PRUNE2: variants seen among roughly 807,000 people sequenced by gnomAD.
The protein encoded by PRUNE2 is prune homolog 2 with BCH domain, also known as protein prune homolog 2.
A neutral mutation model predicts 252.0 loss-of-function variants in PRUNE2; 164 were observed. The observed-to-expected ratio is 0.65, with a 90% CI of 0.57 to 0.74. The LOEUF (loss-of-function observed/expected upper bound fraction) is 0.74. Ranked by LOEUF, PRUNE2 falls within the 30% of genes least tolerant of loss-of-function variation. PRUNE2 has a pLI of 0.00. For synonymous variants in PRUNE2, 1,292 were observed against 1,350.2 expected, an observed-to-expected ratio of 0.96 and a Z score of 0.94; for missense variants, 3,495 against 3,711.0, an observed-to-expected ratio of 0.94 and a Z score of 1.51.
intron 9 of PRUNE2, among the ~76,000 whole-genome samples, chr9:76,673,569 T>C (rs1482267908): frequency 1.4e-5 from 2 of 141,424 alleles, no homozygotes; most frequent in African/African-American, 5.3e-5. Context: ...CCAGCATCAT[T>C]CTGATACCAA....
chr9:76,895,150 T>C (rs1245246585), intron 1 of PRUNE2, among the ~76,000 whole-genome samples: 3 of 152,220 alleles, frequency 2.0e-5, no homozygotes, highest in African/African-American at 7.2e-5. Context: ...GTGGAAACTC[T>C]TCCATAAGAA....
At chr9:76,815,264 T>C (rs984018308) in intron 6 of PRUNE2, among the ~76,000 whole-genome samples, 1 of 152,256 alleles carries the variant, frequency 6.6e-6, no homozygotes, top group Admixed American at 6.5e-5. Context: ...AACTTCATGA[T>C]GGCTAAACCT....
At position 76,707,936 on chromosome 9, in the gene PRUNE2, A is replaced by C. The variant is rs2046426174; in HGVS notation, c.4338T>G (p.Thr1446=). 6.2e-7 allele frequency: 1 copy of C among 1,613,910 alleles called. No individual in the cohort carries two copies. ...SQRNSGETTE[T]SDGMNFTKYV... ...ATTTTGTGAAATTCATCCCATCTGA[A>C]GTCTCAGTAGTTTCACCTGAATTTC... Residue 1446 remains threonine, a synonymous_variant, in exon 8 of 19, where the codon ACT becomes ACG. Coordinates refer to ENST00000376718, the MANE Select transcript of PRUNE2 (RefSeq NM_015225.3).
chr9:76,636,352 A>C, intron 15 of PRUNE2, 119 bp downstream of exon 15: 3 of 655,390 alleles, frequency 4.6e-6, no homozygotes, highest in East Asian at 2.8e-5. Flanking sequence ...TAGGAAAGAC[A>C]GAGACAAATA....
intron 9 of PRUNE2, among the ~76,000 whole-genome samples, chr9:76,675,158 T>G (rs11145006): frequency 0.29 from 23,725 of 81,634 alleles, 4,745 homozygotes; most frequent in Non-Finnish European, 0.44. Context: ...TTTTCGCAAC[T>G]TACTCATCTG....
At chr9:76,656,593 C>T (rs11144996) in intron 9 of PRUNE2, among the ~76,000 whole-genome samples, 21,372 of 152,046 alleles carry the variant, frequency 0.14, 4,127 homozygotes, top group African/African-American at 0.44. Context: ...GCACCCTTAG[C>T]GATTACTGCA....
intron 6 of PRUNE2, among the ~76,000 whole-genome samples, chr9:76,741,392 C>T (rs974693575): frequency 2.0e-5 from 3 of 152,110 alleles, no homozygotes; most frequent in African/African-American, 7.2e-5. Context: ...ATACAGAGCC[C>T]AGAAAGCATA....
chr9:76,789,924 C>G (rs2055392447), intron 6 of PRUNE2, among the ~76,000 whole-genome samples: 1 of 152,012 alleles, frequency 6.6e-6, no homozygotes, highest in Non-Finnish European at 1.5e-5. Flanking sequence ...AAGAATGATG[C>G]AAGAAGATCC....
intron 6 of PRUNE2, chr9:76,784,715 C>T (rs1429191280): frequency 6.6e-6 from 1 of 152,194 alleles, no homozygotes; most frequent in Non-Finnish European, 1.5e-5. Context: ...TGTTCTGGCC[C>T]AGGGGATCTG....
In PRUNE2 at chr9:76,824,977, A is replaced by G. The variant is rs565048918; in HGVS notation, c.662-1251T>C. On this transcript the variant is annotated intron_variant, in intron 5 of 18. Coordinates refer to ENST00000376718, the MANE Select transcript of PRUNE2 (RefSeq NM_015225.3). ...CATACACACAAGGACATGCACATCT[A>G]TGCATAGGTAACAGAAGGTGCAATG... Among the ~76,000 whole-genome samples, 8 of 152,308 alleles carry G rather than the reference A, an allele frequency of 5.3e-5. No individual in the cohort carries two copies. The East Asian group carries it at 1.5e-3, about 29-fold the overall frequency.
chr9:76,703,880 T>G lies in PRUNE2; in HGVS notation c.7733A>C (p.Tyr2578Ser), dbSNP rs769316485. ...ERESIAELEL[Y>S]VGSKETGLQG... Reference sequence around the variant, plus strand: ...CAGCCCTGTTTCTTTGGAACCTACATACAATTCTAATTCAGCTATGCTTTC... The same window carrying G: ...CAGCCCTGTTTCTTTGGAACCTACAGACAATTCTAATTCAGCTATGCTTTC... The change falls in exon 9 of 19, where the codon TAT becomes TCT. Residue 2578 changes from tyrosine to serine, a missense_variant. Physicochemically the swap from Tyr to Ser is moderately radical, Grantham distance 144 (BLOSUM62 -2). Coordinates refer to ENST00000376718, the MANE Select transcript of PRUNE2 (RefSeq NM_015225.3). The G allele has an allele frequency of 6.2e-7, 1 of 1,613,904 alleles. No individual in the cohort carries two copies.
chr9:76,687,720 T>C (rs1206691056), intron 9 of PRUNE2: 2 of 266,188 alleles, frequency 7.5e-6, no homozygotes, highest in Non-Finnish European at 1.6e-5. Flanking sequence ...GGGGAGGCTG[T>C]ATTACAAAAA....
intron 1 of PRUNE2, among the ~76,000 whole-genome samples, chr9:76,885,479 C>T (rs1194160321): frequency 1.3e-5 from 2 of 152,158 alleles, no homozygotes; most frequent in East Asian, 3.8e-4. Context: ...GTCCTGATTA[C>T]CTGGGTCTAC....
intron 1 of PRUNE2, among the ~76,000 whole-genome samples, chr9:76,863,694 C>G (rs1172903433): frequency 6.6e-6 from 1 of 152,216 alleles, no homozygotes; most frequent in Non-Finnish European, 1.5e-5. Flanking sequence ...TACTTTGCTT[C>G]CTGAAAATGT....
At chr9:76,781,327 C>A (rs191338856) in intron 6 of PRUNE2, among the ~76,000 whole-genome samples, 227 of 152,198 alleles carry the variant, frequency 1.5e-3, no homozygotes, top group African/African-American at 5.2e-3. Context: ...TCTGATCCCA[C>A]CACCTCTCCA....
At chr9:76,654,745 TTC>T (rs1293094541) in intron 10 of PRUNE2, among the ~76,000 whole-genome samples, 1 of 152,192 alleles carries the variant, frequency 6.6e-6, no homozygotes, top group Non-Finnish European at 1.5e-5. Context: ...TTAGAAATAA[TTC>T]TGTTACATGA....
Position 76,905,917 on chromosome 9 carries a change from A to C in PRUNE2, c.36+11T>G. 6.2e-7 allele frequency: 1 copy of C among 1,614,020 alleles called. No individual in the cohort carries two copies. ...CGCGCGCACACACACAGCTTTGCTC[A>C]CTCAACTTACCAGTTTAGATTTGGC... On this transcript the variant is annotated intron_variant, in intron 1 of 18. Coordinates refer to ENST00000376718, the MANE Select transcript of PRUNE2 (RefSeq NM_015225.3).
intron 9 of PRUNE2, among the ~76,000 whole-genome samples, chr9:76,661,864 A>G (rs529650369): frequency 1.3e-5 from 2 of 151,902 alleles, no homozygotes; most frequent in South Asian, 4.1e-4. Flanking sequence ...TCTGCAGTCA[A>G]TAAAAACACA....
intron 6 of PRUNE2, chr9:76,736,547 T>C (rs1166818144): frequency 6.6e-6 from 1 of 152,276 alleles, no homozygotes; most frequent in African/African-American, 2.4e-5. Flanking sequence ...ATACTCGCTG[T>C]CTGATGAGCA....
Sources: gnomAD v4.1 joint callset for allele counts (sites outside exome capture counted in the v4.1 genomes callset) on GRCh38, gnomAD v4.1.1 for gene constraint, MANE v1.5 for transcripts, NCBI Gene and HGNC (gene_info 2026-07-23, HGNC 2026-07-21) for gene names.